The following PLEKHG1 variants were observed in gnomAD, a reference collection of about 807,000 sequenced individuals.
The protein encoded by PLEKHG1 is pleckstrin homology domain-containing family G member 1.
PLEKHG1 carries 44 observed loss-of-function variants against 100.8 expected under a neutral mutation model. The observed-to-expected ratio is 0.44, with a 90% CI of 0.34 to 0.56. The LOEUF is 0.56. Among genes scored for constraint, PLEKHG1 ranks in the 20% least tolerant of loss-of-function variants. The probability of loss-of-function intolerance (pLI) is 0.01; values close to 1 mark genes in which losing one functional copy is unlikely to be tolerated. For missense variants in PLEKHG1, 1,545 were observed against 1,720.9 expected, an observed-to-expected ratio of 0.90 and a Z score of 1.81; for synonymous variants, 640 against 662.5, an observed-to-expected ratio of 0.97 and a Z score of 0.52.
chr6:150,619,539 G>C (rs528947282), intron 1 of PLEKHG1, among the ~76,000 whole-genome samples: 1 of 152,264 alleles, frequency 6.6e-6, no homozygotes, highest in South Asian at 2.1e-4. Flanking sequence ...TGAATTAATT[G>C]AGTGTTGACT....
exon 15 of PLEKHG1, chr6:150,832,014 C>T (rs1276756553): frequency 6.2e-7 from 1 of 1,613,914 alleles, no homozygotes; most frequent in Admixed American, 1.7e-5. Flanking sequence ...GGGATGGAGG[C>T]CACAGATAAG....
At chr6:150,722,093 ATTCC>A (rs1781707733) in intron 1 of PLEKHG1, among the ~76,000 whole-genome samples, 1 of 152,140 alleles carries the variant, frequency 6.6e-6, no homozygotes, top group South Asian at 2.1e-4. Context: ...TTTATTATAT[ATTCC>A]TTCAATCTAT....
chr6:150,727,110 A>G (rs1302694020), intron 1 of PLEKHG1, among the ~76,000 whole-genome samples: 2 of 152,070 alleles, frequency 1.3e-5, no homozygotes, highest in African/African-American at 4.8e-5. Context: ...AATTTCAGCT[A>G]CTCATTGGTA....
rs958429388 is a variant in PLEKHG1, at chr6:150,600,463, C to A, written c.-204+446C>A. Among the ~76,000 whole-genome samples, 4 of 152,076 alleles carry A rather than the reference C, an allele frequency of 2.6e-5. No individual in the cohort carries two copies. The highest frequency in any genetic ancestry group is 9.7e-5 in the African/African-American group (4 of 41,416). ...CAGCAGGACAGCCCCAGAACGGGACCCCACAGCCAGTCAGCTGGGTCAGCT... is the reference window on the plus strand; with the variant it reads ...CAGCAGGACAGCCCCAGAACGGGACACCACAGCCAGTCAGCTGGGTCAGCT... On this transcript the variant is annotated intron_variant, in intron 1 of 3. Coordinates refer to the PLEKHG1 transcript ENST00000367326. The surrounding 1 kb of genome is among the most constrained non-coding windows in gnomAD (Gnocchi z 6.2).
At chr6:150,832,930 G>T (rs1239703887) in intron 15 of PLEKHG1, among the ~76,000 whole-genome samples, 1 of 151,966 alleles carries the variant, frequency 6.6e-6, no homozygotes, top group Non-Finnish European at 1.5e-5. Flanking sequence ...TCTTGCCTCA[G>T]CCTCCCAAAG....
chr6:150,646,443 A>G (rs975694664), intron 2 of PLEKHG1, among the ~76,000 whole-genome samples: 2 of 152,118 alleles, frequency 1.3e-5, no homozygotes, highest in African/African-American at 2.4e-5. Flanking sequence ...GGCTGGGAGT[A>G]GGGCAAGGGA....
At chr6:150,821,302 A>G (rs1316544967) in intron 13 of PLEKHG1, 69 bp downstream of exon 14, 1 of 978,254 alleles carries the variant, frequency 1.0e-6, no homozygotes, top group African/African-American at 1.6e-5. Flanking sequence ...ACACAAAAAT[A>G]AATAAATACC....
chr6:150,744,492 A>C (rs1278748282), intron 2 of PLEKHG1, among the ~76,000 whole-genome samples: 2 of 152,198 alleles, frequency 1.3e-5, no homozygotes, highest in East Asian at 3.8e-4. Context: ...TTTTTACTGC[A>C]TTTTTAAGAC....
rs371866770 is a variant in PLEKHG1, at chr6:150,828,244, T to C, written c.1471-2338T>C. The C allele has an allele frequency of 7.3e-4, 1,185 of 1,613,530 alleles. 23 individuals carry two copies. The South Asian group carries it at 0.012, about 16-fold the overall frequency. ...CGGCATGAACCTGACAAGAGATGAGTTGGAATGGAAACTGTCTGAATCTGG... is the reference window on the plus strand; with the variant it reads ...CGGCATGAACCTGACAAGAGATGAGCTGGAATGGAAACTGTCTGAATCTGG... On this transcript the variant is annotated intron_variant, in intron 14 of 15. Coordinates refer to ENST00000358517, the Ensembl canonical transcript of PLEKHG1.
At chr6:150,783,687 A>G (rs1785452732) in intron 3 of PLEKHG1, among the ~76,000 whole-genome samples, 1 of 152,172 alleles carries the variant, frequency 6.6e-6, no homozygotes, top group South Asian at 2.1e-4. Flanking sequence ...GAGATTCTCA[A>G]GTGTTTTGGT....
At chr6:150,667,865 T>C (rs1345006306) in intron 3 of PLEKHG1, among the ~76,000 whole-genome samples, 1 of 152,222 alleles carries the variant, frequency 6.6e-6, no homozygotes, top group Non-Finnish European at 1.5e-5. Context: ...CTTCTTGTGG[T>C]AGAGTGCTAC....
At chr6:150,634,203 C>T (rs1328101487) in intron 1 of PLEKHG1, among the ~76,000 whole-genome samples, 4 of 146,970 alleles carry the variant, frequency 2.7e-5, no homozygotes, top group Non-Finnish European at 1.5e-5. Context: ...GAGATCGAGC[C>T]ATTGCACTCC....
chr6:150,809,835 C>T (rs1787382504), intron 10 of PLEKHG1, 101 bp downstream of exon 11: 1 of 781,150 alleles, frequency 1.3e-6, no homozygotes, highest in African/African-American at 1.7e-5. Context: ...CATCATTGAA[C>T]TCCAGACTGG....
chr6:150,782,190 G>A (rs1459807793), intron 3 of PLEKHG1, among the ~76,000 whole-genome samples: 1 of 152,066 alleles, frequency 6.6e-6, no homozygotes, highest in Non-Finnish European at 1.5e-5. Context: ...GGCTGAGGCA[G>A]GCCCATCACT....
At chr6:150,640,332 T>A (rs1778200546) in intron 2 of PLEKHG1, among the ~76,000 whole-genome samples, 1 of 152,206 alleles carries the variant, frequency 6.6e-6, no homozygotes, top group African/African-American at 2.4e-5. Context: ...CTTTTACTTC[T>A]CCGAGCAAAT....
At chr6:150,713,982 C>T (rs940769280) in intron 3 of PLEKHG1, among the ~76,000 whole-genome samples, 6 of 152,306 alleles carry the variant, frequency 3.9e-5, no homozygotes, top group East Asian at 3.9e-4. Context: ...TTGGAAAATA[C>T]GTACTGCTGT....
intron 7 of PLEKHG1, among the ~76,000 whole-genome samples, chr6:150,805,880 C>A (rs1583166594): frequency 6.6e-6 from 1 of 152,126 alleles, no homozygotes; most frequent in Non-Finnish European, 1.5e-5. Context: ...CTATCCAGCA[C>A]AAACATTTTG....
chr6:150,824,810 ATG>A (rs879435653), intron 14 of PLEKHG1, among the ~76,000 whole-genome samples: 1 of 152,188 alleles, frequency 6.6e-6, no homozygotes, highest in Non-Finnish European at 1.5e-5. Context: ...GATTACAGGC[ATG>A]AACCACCACA....
intron 10 of PLEKHG1, among the ~76,000 whole-genome samples, chr6:150,815,692 C>T (rs1363187568): frequency 6.6e-6 from 1 of 152,210 alleles, no homozygotes; most frequent in Non-Finnish European, 1.5e-5. Context: ...CCAAGCCCCA[C>T]ACTTTTTCAC....
Sources: gnomAD v4.1 joint callset for allele counts (sites outside exome capture counted in the v4.1 genomes callset) on GRCh38, gnomAD v4.1.1 for gene constraint, Gnocchi (gnomAD v3.1) non-coding constraint, MANE v1.5 for transcripts, NCBI Gene and HGNC (gene_info 2026-07-23, HGNC 2026-07-21) for gene names.